Variants in PDE3B observed in about 807,000 individuals in gnomAD.
PDE3B encodes cGMP-inhibited 3',5'-cyclic phosphodiesterase 3B.
Under a neutral mutation model 116.8 loss-of-function variants are expected in PDE3B, and 66 were observed. That is an observed-to-expected ratio of 0.56 (90% CI 0.46 to 0.69). The LOEUF is 0.69. Ranked by LOEUF, PDE3B falls within the 30% of genes least tolerant of loss-of-function variation. The pLI, the probability that PDE3B is intolerant of heterozygous loss-of-function variation, is 0.00. For missense variants in PDE3B, 1,384 were observed against 1,368.1 expected, an observed-to-expected ratio of 1.01 and a Z score of -0.18; for synonymous variants, 595 against 533.6, an observed-to-expected ratio of 1.12 and a Z score of -1.59.
At chr11:14,895,223 T>C in the PDE3B span, among the ~76,000 whole-genome samples, 1 of 152,370 alleles carries the variant, frequency 6.6e-6, no homozygotes, top group South Asian at 2.1e-4. Context: ...CAAATGTGCC[T>C]CCTTTGCATG....
rs555021224 is a variant in PDE3B, at chr11:14,861,667, C to T, written c.2886+301C>T. Reference sequence around the variant, plus strand: ...TTGCAGCAACCTCAATTCTTGCCCCCTCAGAAGAAAGAATTCAACTGAGGG... The same window carrying T: ...TTGCAGCAACCTCAATTCTTGCCCCTTCAGAAGAAAGAATTCAACTGAGGG... On this transcript the variant is annotated intron_variant, in intron 14 of 15. Transcript: ENST00000282096. Among the ~76,000 whole-genome samples, 26 of 152,292 alleles carry T rather than the reference C, an allele frequency of 1.7e-4. 1 individual carries two copies. The South Asian group carries it at 5.2e-3, about 30-fold the overall frequency.
chr11:14,690,050 A>G lies in PDE3B; in HGVS notation c.978+44997A>G, dbSNP rs185740522. Among the ~76,000 whole-genome samples the G allele has an allele frequency of 2.2e-4, 33 of 152,292 alleles. No homozygotes were observed. In the East Asian group the frequency reaches 6.4e-3, roughly 29 times the overall value. On this transcript the variant is annotated intron_variant, in intron 1 of 15. Transcript: ENST00000282096. ...CTAGCTGTTCTGGTATAGGAAGGAT[A>G]TCAAGGAATACTGGTGTTACTCACT...
intron 4 of PDE3B, among the ~76,000 whole-genome samples, chr11:14,803,522 C>G (rs1351764316): frequency 2.6e-5 from 4 of 152,172 alleles, no homozygotes; most frequent in African/African-American, 9.6e-5. Flanking sequence ...AATCAGAAAC[C>G]TTGGGGACGA....
intron 1 of PDE3B, among the ~76,000 whole-genome samples, chr11:14,721,731 A>G (rs1434722285): frequency 1.9e-5 from 1 of 51,644 alleles, no homozygotes; most frequent in Non-Finnish European, 3.5e-5. Context: ...CAATGAGATC[A>G]CATGGTCACA....
intron 1 of PDE3B, among the ~76,000 whole-genome samples, chr11:14,665,951 T>C (rs1035874754): frequency 3.3e-5 from 5 of 152,060 alleles, no homozygotes; most frequent in African/African-American, 7.2e-5. Flanking sequence ...TCATATGGAA[T>C]GAAAAAAGAG....
chr11:14,644,633 G>A lies in PDE3B; in HGVS notation c.558G>A (p.Pro186=). 2 of 1,514,506 alleles carry A rather than the reference G, an allele frequency of 1.3e-6. No homozygotes were observed. Among genetic ancestry groups the A allele is most frequent in the East Asian group, 2.4e-5 (1 of 41,134 alleles). 93.8% of individuals were successfully genotyped at this position (1,514,506 alleles called of 1,614,324 possible). Residue 186 remains proline, a synonymous_variant, in exon 1 of 16, where the codon CCG becomes CCA. Transcript: ENST00000282096. ...ATGGCGACGCAGGGTCCGCGGCCCC[G>A]CACACGCCCCCGGAGGCGGCAGCGG... ...WGDGDAGSAA[P]HTPPEAAAGR...
intron 2 of PDE3B, chr11:14,772,503 G>T (rs572665379): frequency 3.0e-4 from 46 of 152,186 alleles, no homozygotes; most frequent in African/African-American, 1.0e-3. Flanking sequence ...CCATGTAACT[G>T]GTACTGATAT....
chr11:14,803,262 C>A (rs988399171), intron 4 of PDE3B, among the ~76,000 whole-genome samples: 8 of 152,236 alleles, frequency 5.3e-5, no homozygotes, highest in Middle Eastern at 3.4e-3. Context: ...CTTATTTTCA[C>A]ACAATGAAAA....
intron 1 of PDE3B, among the ~76,000 whole-genome samples, chr11:14,767,932 T>C (rs949288375): frequency 2.6e-5 from 4 of 151,252 alleles, no homozygotes; most frequent in Non-Finnish European, 4.4e-5. Flanking sequence ...ATATGTAATC[T>C]AATACTACGG....
Position 14,698,824 on chromosome 11 carries a change from A to G in PDE3B, c.978+53771A>G, listed in dbSNP as rs567721622. ...CTGAAGCTTATAGAATTTAAGTACT[A>G]TTAGATAGCTGGTGGTTACTGCTCT... On this transcript the variant is annotated intron_variant, in intron 1 of 15. Coordinates refer to ENST00000282096, the MANE Select transcript of PDE3B (RefSeq NM_000922.4). The G allele has an allele frequency of 2.0e-5, 3 of 152,132 alleles. No individual in the cohort carries two copies. In the South Asian group the frequency reaches 6.2e-4, roughly 31 times the overall value. 9.4% of individuals were successfully genotyped at this position (152,132 alleles called of 1,614,324 possible).
At chr11:14,832,639 A>G (rs1366608864) in intron 9 of PDE3B, 83 bp from the exon 10 acceptor site, 1 of 565,736 alleles carries the variant, frequency 1.8e-6, no homozygotes. Context: ...AACATTCCAG[A>G]ATACAAATCA....
chr11:14,643,894 C>T lies in PDE3B; in HGVS notation c.-182C>T, dbSNP rs1423132224. ...CCGCCCCTCTCCTCAGCCAGCATGT[C>T]CCGGACTCCGCCGCTCCTCAGTCCG... On this transcript the variant is annotated 5_prime_UTR_variant, in exon 1 of 16. Transcript: ENST00000282096. 2.3e-6 allele frequency: 2 copies of T among 875,560 alleles called. No homozygotes were observed. Among genetic ancestry groups the T allele is most frequent in the Admixed American group, 8.1e-5 (2 of 24,720 alleles). The allele number at this position is 875,560 out of a possible 1,614,324, so 54.2% of individuals were successfully genotyped here. A position where few individuals can be genotyped will look rare whatever the true frequency, so the allele number is the denominator to read the frequency against.
At chr11:14,862,833 A>AAGTG (rs1847975490) in intron 14 of PDE3B, among the ~76,000 whole-genome samples, 1 of 152,018 alleles carries the variant, frequency 6.6e-6, no homozygotes, top group Non-Finnish European at 1.5e-5. Context: ...CGGCCTCCCA[A>AAGTG]AGTGTTGGGA....
intron 4 of PDE3B, among the ~76,000 whole-genome samples, chr11:14,800,446 C>T (rs1252809820): frequency 1.3e-5 from 2 of 152,090 alleles, no homozygotes; most frequent in East Asian, 1.9e-4. Flanking sequence ...GCCTGGGTGA[C>T]AGAGAGAGAC....
chr11:14,889,281 C>T, the PDE3B span, among the ~76,000 whole-genome samples: 3 of 151,002 alleles, frequency 2.0e-5, no homozygotes, highest in Non-Finnish European at 4.4e-5. Context: ...CAGGAGGGAA[C>T]AATATTCTTC....
At chr11:14,767,014 G>T (rs879721163) in intron 1 of PDE3B, among the ~76,000 whole-genome samples, 2 of 151,504 alleles carry the variant, frequency 1.3e-5, no homozygotes, top group Non-Finnish European at 3.0e-5. Context: ...TTTATCGTTT[G>T]TGTGGCTGAG....
intron 2 of PDE3B, among the ~76,000 whole-genome samples, chr11:14,780,963 G>A (rs190898724): frequency 0.02 from 3,110 of 151,928 alleles, 51 homozygotes; most frequent in Middle Eastern, 0.065. Context: ...TAGACGTAAT[G>A]AAAAATGATA....
At chr11:14,688,113 TTCTCTCTC>T (rs35700152) in intron 1 of PDE3B, among the ~76,000 whole-genome samples, 30 of 109,938 alleles carry the variant, frequency 2.7e-4, no homozygotes, top group Non-Finnish European at 3.7e-4. Flanking sequence ...CTCTCTCTCT[TTCTCTCTC>T]TCTCTCTCTC....
intron 4 of PDE3B, among the ~76,000 whole-genome samples, chr11:14,796,096 A>G (rs754922394): frequency 6.6e-5 from 10 of 151,398 alleles, no homozygotes; most frequent in Non-Finnish European, 4.4e-5. Flanking sequence ...TCATTGTTCA[A>G]CTCCCACTTA....
Sources: gnomAD v4.1 joint callset for allele counts (sites outside exome capture counted in the v4.1 genomes callset) on GRCh38, gnomAD v4.1.1 for gene constraint, MANE v1.5 for transcripts, NCBI Gene and HGNC (gene_info 2026-07-23, HGNC 2026-07-21) for gene names.